THSD7B: variants seen among roughly 807,000 people sequenced by gnomAD.
THSD7B encodes thrombospondin type-1 domain-containing protein 7B.
A neutral mutation model predicts 213.6 loss-of-function variants in THSD7B; 138 were observed. That is an observed-to-expected ratio of 0.65 (90% CI 0.56 to 0.74). THSD7B has a LOEUF of 0.74. THSD7B is among the 30% of genes least tolerant of loss of function. THSD7B has a pLI of 0.00. For missense variants in THSD7B, 1,931 were observed against 1,991.5 expected (o/e 0.97, Z 0.58); for synonymous variants, 742 against 687.0 (o/e 1.08, Z -1.25).
Position 137,416,283 on chromosome 2 carries a change from G to A in THSD7B, c.2959+4411G>A, listed in dbSNP as rs1340714286. Among the ~76,000 whole-genome samples the A allele has an allele frequency of 2.6e-5, 4 of 152,212 alleles. No individual in the cohort carries two copies. In the East Asian group the frequency reaches 5.8e-4, roughly 22 times the overall value. ...ATGGGCCTGCTTGCAGTCTTTCCTG[G>A]TCTCTTTATGTAGCAGCTCCTCAGC... On this transcript the variant is annotated intron_variant, in intron 14 of 27. Transcript: ENST00000409968.
intron 3 of THSD7B, among the ~76,000 whole-genome samples, chr2:137,063,465 A>G (rs1218827756): frequency 1.3e-5 from 2 of 152,096 alleles, no homozygotes; most frequent in African/African-American, 2.4e-5. Flanking sequence ...CATGCAATGC[A>G]TTGTAATCAT....
chr2:137,578,371 A>T (rs1681507366), intron 17 of THSD7B, among the ~76,000 whole-genome samples: 1 of 152,246 alleles, frequency 6.6e-6, no homozygotes, highest in South Asian at 2.1e-4. Context: ...CAGACAAAGA[A>T]TGACTTCTGA....
chr2:136,822,140 T>A (rs1682573328), intron 1 of THSD7B, among the ~76,000 whole-genome samples: 1 of 152,070 alleles, frequency 6.6e-6, no homozygotes, highest in South Asian at 2.1e-4. Flanking sequence ...GGAGGTTCAG[T>A]CTTCTTGCCT....
chr2:137,198,094 T>A (rs1370747970), intron 7 of THSD7B, among the ~76,000 whole-genome samples: 1 of 152,150 alleles, frequency 6.6e-6, no homozygotes, highest in East Asian at 1.9e-4. Context: ...TAGCTTCAAA[T>A]TTTCATTACA....
chr2:137,550,658 GATGAAGTACATGC>G (rs968235243), intron 15 of THSD7B, among the ~76,000 whole-genome samples: 1 of 152,078 alleles, frequency 6.6e-6, no homozygotes, highest in African/African-American at 2.4e-5. Context: ...CAGGAGTGAG[GATGAAGTACATGC>G]ATGGCTTACG....
chr2:136,920,819 G>T (rs922698229), intron 2 of THSD7B, among the ~76,000 whole-genome samples: 1 of 152,178 alleles, frequency 6.6e-6, no homozygotes, highest in Non-Finnish European at 1.5e-5. Flanking sequence ...CCAAAGTCCA[G>T]AAGGAGCCGA....
chr2:137,022,195 G>C (rs1457323806), intron 2 of THSD7B, among the ~76,000 whole-genome samples: 1 of 152,066 alleles, frequency 6.6e-6, no homozygotes, highest in Non-Finnish European at 1.5e-5. Flanking sequence ...ATTTAACTGG[G>C]ATAAATGCCC....
chr2:137,593,159 T>C (rs564062810), intron 17 of THSD7B, among the ~76,000 whole-genome samples: 1 of 152,092 alleles, frequency 6.6e-6, no homozygotes, highest in African/African-American at 2.4e-5. Context: ...CATTTATTTA[T>C]GTACTCTCTT....
At chr2:137,322,051 T>G (rs565642169) in intron 12 of THSD7B, among the ~76,000 whole-genome samples, 1 of 152,378 alleles carries the variant, frequency 6.6e-6, no homozygotes, top group South Asian at 2.1e-4. Context: ...TATGTTGGAT[T>G]AAGCAGAGTT....
At chr2:137,054,728 T>C (rs1188276732) in intron 2 of THSD7B, among the ~76,000 whole-genome samples, 1 of 151,980 alleles carries the variant, frequency 6.6e-6, no homozygotes, top group Non-Finnish European at 1.5e-5. Flanking sequence ...ATCACAGTCC[T>C]GAGACAGGGG....
chr2:137,042,297 G>T (rs919879980), intron 2 of THSD7B, among the ~76,000 whole-genome samples: 2 of 152,084 alleles, frequency 1.3e-5, no homozygotes, highest in Non-Finnish European at 1.5e-5. Context: ...TTATAAAAAT[G>T]TTTCCATGTT....
chr2:137,333,344 G>A (rs1368036076), intron 12 of THSD7B, among the ~76,000 whole-genome samples: 1 of 152,128 alleles, frequency 6.6e-6, no homozygotes, highest in Non-Finnish European at 1.5e-5. Flanking sequence ...GAAATCAAAT[G>A]ATACCATTTG....
chr2:137,582,900 C>T (rs959343017), intron 17 of THSD7B, among the ~76,000 whole-genome samples: 3 of 152,132 alleles, frequency 2.0e-5, no homozygotes, highest in Admixed American at 1.3e-4. Flanking sequence ...TTCTAGATCC[C>T]TGAGGAATCA....
intron 3 of THSD7B, among the ~76,000 whole-genome samples, chr2:137,083,542 T>C (rs983235827): frequency 2.0e-5 from 3 of 152,106 alleles, no homozygotes; most frequent in African/African-American, 7.2e-5. Flanking sequence ...CTTCAAGTTG[T>C]TCTAATTTTT....
chr2:136,990,845 A>G (rs1317672846), intron 2 of THSD7B: 1 of 1,310,542 alleles, frequency 7.6e-7, no homozygotes, highest in Non-Finnish European at 1.0e-6. Context: ...GAGCATTTTC[A>G]CAAATTAAAA....
chr2:137,196,080 G>C (rs1012703896), intron 7 of THSD7B, among the ~76,000 whole-genome samples: 1 of 152,164 alleles, frequency 6.6e-6, no homozygotes, highest in Non-Finnish European at 1.5e-5. Flanking sequence ...TAGACAACAG[G>C]GTGAAAAAGT....
intron 7 of THSD7B, among the ~76,000 whole-genome samples, chr2:137,214,540 G>A (rs181713302): frequency 5.3e-5 from 8 of 152,088 alleles, no homozygotes; most frequent in East Asian, 1.9e-4. Context: ...CCATCACCCC[G>A]TCATCTGTAT....
chr2:137,212,138 C>G (rs1681126083), intron 7 of THSD7B, among the ~76,000 whole-genome samples: 2 of 151,982 alleles, frequency 1.3e-5, no homozygotes, highest in Non-Finnish European at 1.5e-5. Context: ...TTTTTAAATG[C>G]TACATTTTAT....
chr2:137,618,521 A>G lies in THSD7B; in HGVS notation c.3681+14A>G, dbSNP rs550379337. The G allele has an allele frequency of 7.8e-5, 125 of 1,609,762 alleles. 4 individuals carry two copies. In the South Asian group the frequency reaches 1.3e-3, roughly 17 times the overall value. ...CAATGTGAGCAGGTACTGTGTTTAT[A>G]TTCATATCTCACATCCAAGGCTTTG... On this transcript the variant is annotated intron_variant, in intron 19 of 27. Coordinates refer to ENST00000409968, the MANE Select transcript of THSD7B (RefSeq NM_001316349.2).
Sources: gnomAD v4.1 joint callset for allele counts (sites outside exome capture counted in the v4.1 genomes callset) on GRCh38, gnomAD v4.1.1 for gene constraint, MANE v1.5 for transcripts, NCBI Gene and HGNC (gene_info 2026-07-23, HGNC 2026-07-21) for gene names.